The following UGT1A9 variants were observed in gnomAD, a reference collection of about 807,000 sequenced individuals.
UGT1A9 encodes UDP glucuronosyltransferase family 1 member A9, also known as UDP-glucuronosyltransferase 1A9.
In UGT1A9, 35 loss-of-function variants were observed where a neutral mutation model predicts 45.0. The observed-to-expected ratio is 0.78, with a 90% CI of 0.59 to 1.03. UGT1A9 has a LOEUF of 1.03. Among genes scored for constraint, UGT1A9 ranks in the 50% least tolerant of loss-of-function variants. UGT1A9 has a pLI of 0.00. For missense variants in UGT1A9, 687 were observed against 666.6 expected (o/e 1.03, Z -0.34); for synonymous variants, 278 against 250.6 (o/e 1.11, Z -1.03).
intron 1 of UGT1A9, among the ~76,000 whole-genome samples, chr2:233,675,652 A>C (rs1029481047): frequency 6.6e-6 from 1 of 152,222 alleles, no homozygotes; most frequent in African/African-American, 2.4e-5. Flanking sequence ...GTTTTCAAAC[A>C]TACACAATGG....
chr2:233,760,258 G>T (rs1164776908), intron 1 of UGT1A9: 1 of 1,611,202 alleles, frequency 6.2e-7, no homozygotes, highest in South Asian at 1.1e-5. Flanking sequence ...AAGTAGGAGA[G>T]GGCGAACCTC....
rs149398312 is a variant in UGT1A9 at position 233,672,418 on chromosome 2, T to C, written c.484T>C (p.Ser162Pro). Residue 162 changes from serine to proline, a missense_variant, in exon 1 of 5, where the codon TCC becomes CCC. Coordinates refer to ENST00000354728, the MANE Select transcript of UGT1A9 (RefSeq NM_021027.3). ...NCGLIVAKYF[S>P]LPSVVFARGI... ...TGGCTTAATTGTTGCCAAATATTTC[T>C]CCCTCCCCTCCGTGGTCTTCGCCAG... The C allele has an allele frequency of 4.3e-6, 7 of 1,613,894 alleles. No homozygotes were observed. In the African/African-American group the frequency reaches 9.3e-5, roughly 22 times the overall value.
intron 1 of UGT1A9, chr2:233,743,074 A>G: frequency 2.9e-6 from 1 of 345,076 alleles, no homozygotes; most frequent in East Asian, 7.5e-5. Context: ...AGGTGTTGGC[A>G]TGAAGTGTTT....
Position 233,767,859 on chromosome 2 carries a change from G to T in UGT1A9, c.998G>T (p.Arg333Leu). Residue 333 changes from arginine (R) to leucine (L), a missense_variant, in exon 3 of 5, where the codon CGG becomes CTG. Arg to Leu is a moderately radical substitution (Grantham distance 102, BLOSUM62 -2). Coordinates refer to ENST00000354728, the MANE Select transcript of UGT1A9 (RefSeq NM_021027.3). ...TTTTGCCCCTCCCAGGTCCTGTGGC[G>T]GTACACTGGAACCCGACCATCGAAT... ...LGKIPQTVLW[R>L]YTGTRPSNLA... 6.2e-7 allele frequency: 1 copy of T among 1,614,058 alleles called. No individual in the cohort carries two copies.
At chr2:233,738,943 T>C (rs1690943388) in intron 1 of UGT1A9, 1 of 152,080 alleles carries the variant, frequency 6.6e-6, no homozygotes, top group African/African-American at 2.4e-5. Flanking sequence ...AAAAATGGTG[T>C]TTTAGGCTGG....
intron 1 of UGT1A9, chr2:233,729,294 C>G: frequency 6.2e-7 from 1 of 1,614,226 alleles, no homozygotes; most frequent in Non-Finnish European, 8.5e-7. Flanking sequence ...CCAGAGGCCA[C>G]CAGGCAGTGG....
Position 233,769,801 on chromosome 2 carries a change from G to A in UGT1A9, c.1295+1362G>A, listed in dbSNP as rs1699941339. 2 of 1,172,742 alleles carry A rather than the reference G, an allele frequency of 1.7e-6. No individual in the cohort carries two copies. The highest frequency in any genetic ancestry group is 1.6e-5 in the African/African-American group (1 of 64,090). 72.6% of individuals were successfully genotyped at this position (1,172,742 alleles called of 1,614,324 possible). ...GCCCAGAAGTTGGAGGCTGCTATGA[G>A]CCGTGATCATGCCACTGCACTCCAG... On this transcript the variant is annotated intron_variant, in intron 4 of 4. Coordinates refer to ENST00000354728, the MANE Select transcript of UGT1A9 (RefSeq NM_021027.3). This position sits in a 1 kb window ranked among gnomAD's most constrained non-coding sequence, Gnocchi z 4.4.
rs566395719 is a variant in UGT1A9, at chr2:233,675,506, T to G, written c.855+2717T>G. Among the ~76,000 whole-genome samples the G allele has an allele frequency of 3.3e-5, 5 of 152,176 alleles. No individual in the cohort carries two copies. In the South Asian group the frequency reaches 1.0e-3, roughly 32 times the overall value. On this transcript the variant is annotated intron_variant, in intron 1 of 4. Coordinates refer to ENST00000354728, the MANE Select transcript of UGT1A9 (RefSeq NM_021027.3). ...TCTGGGGGTGGGATATGGTTACAGA[T>G]AAATAAGAGATCTGTGCTTCCCCCC...
chr2:233,729,151 C>G (rs780105483), intron 1 of UGT1A9: 3 of 1,613,562 alleles, frequency 1.9e-6, no homozygotes, highest in South Asian at 2.2e-5. Context: ...CCAGGTTCCC[C>G]TGCCGTGGCT....
intron 1 of UGT1A9, chr2:233,743,985 A>C (rs1333314866): frequency 3.1e-6 from 4 of 1,283,108 alleles, no homozygotes; most frequent in Non-Finnish European, 4.1e-6. Flanking sequence ...ACCCAGGCGC[A>C]GGCCCGAGTG....
At chr2:233,764,888 CAA>C (rs869174020) in intron 1 of UGT1A9, among the ~76,000 whole-genome samples, 32 of 147,518 alleles carry the variant, frequency 2.2e-4, no homozygotes, top group African/African-American at 8.0e-4. Flanking sequence ...AAGGCAAAGA[CAA>C]AGCCCTTAAG....
chr2:233,756,931 T>G (rs1696359277), intron 1 of UGT1A9, among the ~76,000 whole-genome samples: 1 of 152,070 alleles, frequency 6.6e-6, no homozygotes, highest in Non-Finnish European at 1.5e-5. Context: ...AACCTCTAGT[T>G]ACATAACCTG....
In UGT1A9 at chr2:233,671,915, C is replaced by G. The variant is rs2074202240; in HGVS notation, c.-20C>G. On this transcript the variant is annotated 5_prime_UTR_variant, in exon 1 of 5. Coordinates refer to ENST00000354728, the MANE Select transcript of UGT1A9 (RefSeq NM_021027.3). ...AGGAGCTTAGATTCCCAGCTGCTTGCTCTCAGCTGCAGTTCTCTGATGGCT... is the reference window on the plus strand; with the variant it reads ...AGGAGCTTAGATTCCCAGCTGCTTGGTCTCAGCTGCAGTTCTCTGATGGCT... The G allele has an allele frequency of 1.9e-6, 3 of 1,586,444 alleles. No individual in the cohort carries two copies. Among genetic ancestry groups the G allele is most frequent in the Non-Finnish European group, 2.6e-6 (3 of 1,166,354 alleles).
chr2:233,687,079 G>A (rs901848542), intron 1 of UGT1A9, among the ~76,000 whole-genome samples: 1 of 152,194 alleles, frequency 6.6e-6, no homozygotes, highest in African/African-American at 2.4e-5. Flanking sequence ...GATTTCATAA[G>A]TACTTCAGCT....
chr2:233,766,278 C>CGGGCTCGGTGGCCT (rs201295078), intron 1 of UGT1A9, among the ~76,000 whole-genome samples: 1 of 116,250 alleles, frequency 8.6e-6, no homozygotes, highest in East Asian at 2.1e-4. Flanking sequence ...CTCGGTGGCC[C>CGGGCTCGGTGGCCT]GGGCTCGGTG....
At position 233,754,981 on chromosome 2, in the gene UGT1A9, C is replaced by T. The variant is rs561889596; in HGVS notation, c.856-12053C>T. On this transcript the variant is annotated intron_variant, in intron 1 of 4. Transcript: ENST00000354728. The stretch of plus-strand genomic sequence containing the variant: ...CCAAAGAACTCCCTGAAGACCTCGG[C>T]GGGGTCACGGAAGCTGAAGACCTAC... 29 of 1,295,892 alleles carry T rather than the reference C, an allele frequency of 2.2e-5. No homozygotes were observed. In the African/African-American group the frequency reaches 3.3e-4, roughly 15 times the overall value. The allele number at this position is 1,295,892 out of a possible 1,614,324, so 80.3% of individuals were successfully genotyped here.
At chr2:233,713,977 C>G in intron 1 of UGT1A9, 1 of 1,595,304 alleles carries the variant, frequency 6.3e-7, no homozygotes, top group Non-Finnish European at 8.5e-7. Context: ...TTCTGCTTCT[C>G]ATTGTTGTAA....
At chr2:233,745,298 A>G (rs1339213768) in intron 1 of UGT1A9, among the ~76,000 whole-genome samples, 1 of 151,884 alleles carries the variant, frequency 6.6e-6, no homozygotes, top group East Asian at 1.9e-4. Flanking sequence ...TAAACGTGGG[A>G]TGCAGTGATT....
In UGT1A9 at chr2:233,769,245, A is replaced by G. The variant is rs1485950559; in HGVS notation, c.1295+806A>G. 6.6e-6 allele frequency among the ~76,000 whole-genome samples: 1 copy of G among 152,268 alleles called. No homozygotes were observed. The highest frequency in any genetic ancestry group is 2.4e-5 in the African/African-American group (1 of 41,474). The stretch of plus-strand genomic sequence containing the variant: ...ATAAGAGCAAAGGAAAATTTGCTCA[A>G]ATGTGGCCCTGAAAACGATTCAAAG... On this transcript the variant is annotated intron_variant, in intron 4 of 4. Transcript: ENST00000354728. The surrounding 1 kb of genome is among the most constrained non-coding windows in gnomAD (Gnocchi z 4.4).
Sources: allele counts gnomAD v4.1 joint callset (sites outside exome capture counted in the v4.1 genomes callset), GRCh38; gene constraint gnomAD v4.1.1; non-coding constraint Gnocchi (gnomAD v3.1); transcripts MANE v1.5; gene names NCBI Gene and HGNC (gene_info 2026-07-23, HGNC 2026-07-21).